The following NTNG1 variants were observed in gnomAD, a reference collection of about 807,000 sequenced individuals.
NTNG1 encodes netrin G1.
Under a neutral mutation model 54.0 loss-of-function variants are expected in NTNG1, and 16 were observed. The observed-to-expected ratio is 0.30, with a 90% CI of 0.20 to 0.45. NTNG1 has a LOEUF of 0.45. NTNG1 is among the 20% of genes least tolerant of loss of function. The probability of loss-of-function intolerance (pLI) is 1.00; values close to 1 mark genes in which losing one functional copy is unlikely to be tolerated. For missense variants in NTNG1, 530 were observed against 678.7 expected (o/e 0.78, Z 2.43); for synonymous variants, 255 against 263.1 (o/e 0.97, Z 0.30).
intron 7 of NTNG1, among the ~76,000 whole-genome samples, chr1:107,474,508 G>T (rs970384866): frequency 4.6e-5 from 7 of 152,204 alleles, no homozygotes. Flanking sequence ...AGCATTTGAA[G>T]TTCAGTGCAA....
chr1:107,428,275 A>G (rs1261537459), intron 5 of NTNG1, among the ~76,000 whole-genome samples: 6 of 152,278 alleles, frequency 3.9e-5, no homozygotes, highest in East Asian at 1.9e-4. Context: ...CACATCCTGT[A>G]GGACATTTTT....
intron 2 of NTNG1, among the ~76,000 whole-genome samples, chr1:107,218,815 G>A (rs1660143611): frequency 6.6e-6 from 1 of 152,162 alleles, no homozygotes; most frequent in Non-Finnish European, 1.5e-5. Context: ...TTTCTGCTGA[G>A]AAATCTGCTG....
In NTNG1 at chr1:107,369,232, T is replaced by C. The variant is rs1014202915; in HGVS notation, c.888-25922T>C. ...TGAACATTCATGTACAAATGTTTTA[T>C]GGGCATATATTTTCTTTGAGGTAAA... On this transcript the variant is annotated intron_variant, in intron 3 of 7. Coordinates refer to ENST00000370068, the MANE Select transcript of NTNG1 (RefSeq NM_001113226.3). Among the ~76,000 whole-genome samples the C allele has an allele frequency of 1.5e-4, 23 of 152,322 alleles. 1 individual carries two copies. In the South Asian group the frequency reaches 2.9e-3, roughly 19 times the overall value.
chr1:107,440,103 T>G lies in NTNG1; in HGVS notation c.1390+3304T>G, dbSNP rs377333902. On this transcript the variant is annotated intron_variant, in intron 7 of 7. Transcript: ENST00000370068. ...AGTGGGAGAGTAGGGCTGACAGTGG[T>G]GTTGCAGTGATGAGCTGAGAGTAAG... Among the ~76,000 whole-genome samples, 3 of 151,650 alleles carry G rather than the reference T, an allele frequency of 2.0e-5. No homozygotes were observed. In the East Asian group the frequency reaches 5.9e-4, roughly 30 times the overall value.
intron 5 of NTNG1, among the ~76,000 whole-genome samples, chr1:107,412,137 T>G (rs1180614763): frequency 6.6e-6 from 1 of 152,144 alleles, no homozygotes; most frequent in East Asian, 1.9e-4. Flanking sequence ...ATCTCTGCCT[T>G]TGCCAGTTAT....
chr1:107,185,238 A>G (rs934732573), intron 2 of NTNG1, among the ~76,000 whole-genome samples: 1 of 152,178 alleles, frequency 6.6e-6, no homozygotes, highest in African/African-American at 2.4e-5. Context: ...AAGCATGCAT[A>G]TATCTTCTCA....
chr1:107,199,792 G>T (rs964552650), intron 2 of NTNG1, among the ~76,000 whole-genome samples: 14 of 151,776 alleles, frequency 9.2e-5, no homozygotes, highest in African/African-American at 3.4e-4. Context: ...AAAGTAAAGT[G>T]ACTATTTCAG....
intron 3 of NTNG1, among the ~76,000 whole-genome samples, chr1:107,328,168 T>C (rs1668074965): frequency 6.6e-6 from 1 of 152,152 alleles, no homozygotes; most frequent in Admixed American, 6.6e-5. Context: ...AGCAGCTCCG[T>C]AGTACTTACA....
chr1:107,416,591 C>T (rs1406289585), intron 5 of NTNG1, among the ~76,000 whole-genome samples: 5 of 151,978 alleles, frequency 3.3e-5, no homozygotes, highest in African/African-American at 1.2e-4. Flanking sequence ...AAAGGAGTTA[C>T]ACTAAAATAC....
chr1:107,296,106 C>G (rs1207543872), intron 2 of NTNG1, among the ~76,000 whole-genome samples: 1 of 152,106 alleles, frequency 6.6e-6, no homozygotes, highest in East Asian at 1.9e-4. Flanking sequence ...TTTCATGTAG[C>G]CTTTCACGGA....
intron 2 of NTNG1, among the ~76,000 whole-genome samples, chr1:107,260,441 C>G (rs566089163): frequency 1.3e-5 from 2 of 152,272 alleles, no homozygotes; most frequent in African/African-American, 4.8e-5. Flanking sequence ...GAGGGTCTAC[C>G]CTGCCACCAA....
At chr1:107,241,677 C>T (rs1241403437) in intron 2 of NTNG1, among the ~76,000 whole-genome samples, 1 of 152,152 alleles carries the variant, frequency 6.6e-6, no homozygotes, top group African/African-American at 2.4e-5. Context: ...ATACCCTGTT[C>T]CCTCAAGAAA....
chr1:107,355,278 GTTTTT>G (rs571270900), intron 3 of NTNG1, among the ~76,000 whole-genome samples: 39 of 143,896 alleles, frequency 2.7e-4, no homozygotes, highest in Non-Finnish European at 5.6e-4. Flanking sequence ...CTTTTTTATT[GTTTTT>G]TTTAATTGAC....
chr1:107,458,468 T>C (rs564251425), intron 7 of NTNG1, among the ~76,000 whole-genome samples: 2 of 152,262 alleles, frequency 1.3e-5, no homozygotes, highest in South Asian at 2.1e-4. Flanking sequence ...AAGTAGGTAA[T>C]TACATTGGCT....
chr1:107,276,117 C>G (rs1664456502), intron 2 of NTNG1, among the ~76,000 whole-genome samples: 1 of 152,108 alleles, frequency 6.6e-6, no homozygotes, highest in Non-Finnish European at 1.5e-5. Context: ...TTGATGCTTC[C>G]TATGTACATC....
chr1:107,188,716 G>T (rs1324234091), intron 2 of NTNG1, among the ~76,000 whole-genome samples: 1 of 151,972 alleles, frequency 6.6e-6, no homozygotes, highest in African/African-American at 2.4e-5. Flanking sequence ...CTATCCATTG[G>T]TTAATGGACC....
intron 3 of NTNG1, among the ~76,000 whole-genome samples, chr1:107,335,958 C>T (rs1422208553): frequency 1.3e-5 from 2 of 151,830 alleles, no homozygotes; most frequent in Non-Finnish European, 2.9e-5. Context: ...GGGAAGACAT[C>T]CTATGTTCAT....
chr1:107,465,620 G>A (rs1278097394), intron 7 of NTNG1, among the ~76,000 whole-genome samples: 2 of 152,196 alleles, frequency 1.3e-5, no homozygotes, highest in Non-Finnish European at 2.9e-5. Flanking sequence ...TTGTCCATGA[G>A]CAAGATCTTA....
intron 2 of NTNG1, among the ~76,000 whole-genome samples, chr1:107,158,987 A>G (rs1655209098): frequency 6.6e-6 from 1 of 152,288 alleles, no homozygotes; most frequent in East Asian, 1.9e-4. Context: ...AAGGGCCTCA[A>G]TCTTTTTGAA....
Sources: gnomAD v4.1 joint callset for allele counts (sites outside exome capture counted in the v4.1 genomes callset) on GRCh38, gnomAD v4.1.1 for gene constraint, MANE v1.5 for transcripts, NCBI Gene and HGNC (gene_info 2026-07-23, HGNC 2026-07-21) for gene names.